Variants in LRRC7 observed in about 807,000 individuals in gnomAD.
The protein encoded by LRRC7 is leucine rich repeat containing 7.
LRRC7 carries 23 observed loss-of-function variants against 175.7 expected under a neutral mutation model. That is an observed-to-expected ratio of 0.13 (90% CI 0.09 to 0.19). LRRC7 has a LOEUF of 0.19. Ranked by LOEUF, LRRC7 falls within the 10% of genes least tolerant of loss-of-function variation. The pLI is 1.00. For synonymous variants in LRRC7, 685 were observed against 680.9 expected (o/e 1.01, Z -0.09); for missense variants, 1,354 against 1,904.7 (o/e 0.71, Z 5.38).
At chr1:69,976,305 G>A (rs1312883860) in intron 8 of LRRC7, among the ~76,000 whole-genome samples, 1 of 152,200 alleles carries the variant, frequency 6.6e-6, no homozygotes, top group African/African-American at 2.4e-5. Flanking sequence ...GATGTTTGAG[G>A]GAAGGAAGCA....
At chr1:69,853,686 G>A (rs1269429438) in intron 7 of LRRC7, among the ~76,000 whole-genome samples, 1 of 152,140 alleles carries the variant, frequency 6.6e-6, no homozygotes, top group Non-Finnish European at 1.5e-5. Flanking sequence ...GCAAGATGAA[G>A]GCAGAGCTAA....
intron 25 of LRRC7, among the ~76,000 whole-genome samples, chr1:70,106,661 C>T (rs1020951461): frequency 6.6e-5 from 10 of 152,156 alleles, no homozygotes; most frequent in African/African-American, 2.4e-4. Flanking sequence ...CCCTAACCTA[C>T]TTTTTGGCCT....
At chr1:70,058,267 C>T (rs1661304484) in intron 23 of LRRC7, among the ~76,000 whole-genome samples, 1 of 152,164 alleles carries the variant, frequency 6.6e-6, no homozygotes, top group African/African-American at 2.4e-5. Context: ...ACCTCAGCTT[C>T]CCAAAGTGCT....
At chr1:69,849,991 T>C (rs1682793618) in intron 7 of LRRC7, among the ~76,000 whole-genome samples, 1 of 152,068 alleles carries the variant, frequency 6.6e-6, no homozygotes, top group African/African-American at 2.4e-5. Flanking sequence ...TGGTAACTGC[T>C]ATGAAGAACA....
chr1:70,012,813 A>G (rs1380198646), intron 12 of LRRC7, among the ~76,000 whole-genome samples, 161 bp from the exon 13 acceptor site: 4 of 151,084 alleles, frequency 2.6e-5, no homozygotes, highest in African/African-American at 9.7e-5. Flanking sequence ...TATATATAAT[A>G]TACCTATATT....
At chr1:70,000,978 T>C (rs1379739625) in intron 11 of LRRC7, among the ~76,000 whole-genome samples, 1 of 152,220 alleles carries the variant, frequency 6.6e-6, no homozygotes, top group Non-Finnish European at 1.5e-5. Context: ...GCAAATTTCC[T>C]GTCCCTGTTC....
chr1:69,851,009 TA>T (rs1182849018), intron 7 of LRRC7, among the ~76,000 whole-genome samples: 1 of 152,010 alleles, frequency 6.6e-6, no homozygotes, highest in African/African-American at 2.4e-5. Flanking sequence ...AAGGAGCCTA[TA>T]AAAGATTATG....
intron 24 of LRRC7, among the ~76,000 whole-genome samples, chr1:70,077,552 T>C (rs1662875900): frequency 6.6e-6 from 1 of 152,196 alleles, no homozygotes; most frequent in Non-Finnish European, 1.5e-5. Flanking sequence ...TTAGTTATTC[T>C]TATTAACAGC....
intron 3 of LRRC7, among the ~76,000 whole-genome samples, chr1:69,780,604 C>G (rs903623180): frequency 2.6e-5 from 4 of 152,010 alleles, no homozygotes; most frequent in African/African-American, 9.7e-5. Flanking sequence ...TATATAAAAC[C>G]ATTTTTACTC....
intron 3 of LRRC7, among the ~76,000 whole-genome samples, chr1:69,779,651 G>A (rs1673252168): frequency 6.6e-6 from 1 of 152,046 alleles, no homozygotes; most frequent in Non-Finnish European, 1.5e-5. Context: ...CAACATCTTT[G>A]TACAAACTGT....
At chr1:69,711,248 A>G (rs10489555) in intron 2 of LRRC7, among the ~76,000 whole-genome samples, 13,486 of 152,274 alleles carry the variant, frequency 0.089, 804 homozygotes, top group East Asian at 0.26. Context: ...CTGTAATTCA[A>G]TCTAAATATG....
chr1:70,109,849 G>A (rs549034484), intron 26 of LRRC7, among the ~76,000 whole-genome samples: 1 of 152,084 alleles, frequency 6.6e-6, no homozygotes, highest in African/African-American at 2.4e-5. Context: ...GAATTTCAAA[G>A]AAATTATTTT....
intron 26 of LRRC7, among the ~76,000 whole-genome samples, chr1:70,109,738 T>G (rs968617241): frequency 1.3e-5 from 2 of 152,188 alleles, no homozygotes; most frequent in African/African-American, 4.8e-5. Flanking sequence ...ATTGTATGAA[T>G]TGTAGTGAAA....
At chr1:69,822,606 A>G (rs1679431808) in intron 4 of LRRC7, among the ~76,000 whole-genome samples, 1 of 152,210 alleles carries the variant, frequency 6.6e-6, no homozygotes, top group South Asian at 2.1e-4. Context: ...GTAGGCCTCT[A>G]AGACAATGTC....
At chr1:69,800,100 G>A (rs1165801962) in intron 4 of LRRC7, among the ~76,000 whole-genome samples, 1 of 151,862 alleles carries the variant, frequency 6.6e-6, no homozygotes, top group East Asian at 1.9e-4. Flanking sequence ...ATTGATATCT[G>A]CATTGATTTT....
At chr1:69,821,283 C>T (rs1393433974) in intron 4 of LRRC7, among the ~76,000 whole-genome samples, 2 of 152,126 alleles carry the variant, frequency 1.3e-5, no homozygotes, top group Non-Finnish European at 2.9e-5. Flanking sequence ...ATTCTGTCTT[C>T]ATTTTTCTAC....
chr1:69,680,652 G>C (rs1660360754), intron 2 of LRRC7, among the ~76,000 whole-genome samples: 1 of 144,770 alleles, frequency 6.9e-6, no homozygotes. Flanking sequence ...AGACTAGTGT[G>C]AATTCCATGA....
At chr1:69,906,232 T>TCAC (rs1646305475) in intron 7 of LRRC7, among the ~76,000 whole-genome samples, 2 of 152,232 alleles carry the variant, frequency 1.3e-5, no homozygotes, top group African/African-American at 4.8e-5. Flanking sequence ...TGATGGTAGT[T>TCAC]TCTTTTGCTG....
chr1:69,711,507 A>C (rs2100735087), intron 2 of LRRC7, among the ~76,000 whole-genome samples: 1 of 152,244 alleles, frequency 6.6e-6, no homozygotes, highest in South Asian at 2.1e-4. Context: ...GTAATTGAAA[A>C]CCTAAATCTA....
Sources: gnomAD v4.1 joint callset for allele counts (sites outside exome capture counted in the v4.1 genomes callset) on GRCh38, gnomAD v4.1.1 for gene constraint, MANE v1.5 for transcripts, NCBI Gene and HGNC (gene_info 2026-07-23, HGNC 2026-07-21) for gene names.